Variants in RUNDC3B observed in about 807,000 individuals in gnomAD.
RUNDC3B encodes RUN domain-containing protein 3B.
A neutral mutation model predicts 58.4 loss-of-function variants in RUNDC3B; 33 were observed. The observed-to-expected ratio is 0.56, with a 90% CI of 0.43 to 0.75. The LOEUF (loss-of-function observed/expected upper bound fraction) is 0.75. RUNDC3B is among the 30% of genes least tolerant of loss of function. The pLI, the probability that RUNDC3B is intolerant of heterozygous loss-of-function variation, is 0.00. For missense variants in RUNDC3B, 501 were observed against 535.7 expected (o/e 0.94, Z 0.64); for synonymous variants, 193 against 195.2 (o/e 0.99, Z 0.10).
At chr7:87,728,053 A>C (rs1255435845) in intron 4 of RUNDC3B, among the ~76,000 whole-genome samples, 1 of 152,178 alleles carries the variant, frequency 6.6e-6, no homozygotes, top group Admixed American at 6.6e-5. Flanking sequence ...GCATTTGTGA[A>C]GGGCTTATAT....
Position 87,770,753 on chromosome 7 carries a change from T to A in RUNDC3B, c.798+4T>A, listed in dbSNP as rs923214768. Reference sequence around the variant, plus strand: ...TCAGCTTACCCTGGAACAGAAGGTATTTTAAAATTATCAAAACGTACTTAA... The same window carrying A: ...TCAGCTTACCCTGGAACAGAAGGTAATTTAAAATTATCAAAACGTACTTAA... On this transcript the variant is annotated splice_donor_region_variant and intron_variant, in intron 7 of 10. Transcript: ENST00000394654. The A allele has an allele frequency of 1.1e-5, 18 of 1,594,186 alleles. No homozygotes were observed. Among genetic ancestry groups the A allele is most frequent in the Non-Finnish European group, 1.5e-5 (18 of 1,168,428 alleles).
chr7:87,739,634 T>C (rs1265734387), intron 4 of RUNDC3B, among the ~76,000 whole-genome samples, 157 bp from the exon 5 acceptor site: 1 of 152,064 alleles, frequency 6.6e-6, no homozygotes, highest in African/African-American at 2.4e-5. Context: ...GGTCTAAATA[T>C]CTTCAAAACT....
chr7:87,752,826 G>A (rs1326705412), intron 6 of RUNDC3B, among the ~76,000 whole-genome samples: 2 of 151,898 alleles, frequency 1.3e-5, no homozygotes, highest in Non-Finnish European at 2.9e-5. Flanking sequence ...CAAAAAACCA[G>A]CTCCTGGATT....
At chr7:87,828,559 C>A (rs1837962361) in intron 10 of RUNDC3B, among the ~76,000 whole-genome samples, 1 of 152,154 alleles carries the variant, frequency 6.6e-6, no homozygotes, top group African/African-American at 2.4e-5. Flanking sequence ...GATGTCATTC[C>A]TTTTTTATGG....
At chr7:87,678,242 C>T (rs1826575509) in intron 2 of RUNDC3B, among the ~76,000 whole-genome samples, 1 of 152,204 alleles carries the variant, frequency 6.6e-6, no homozygotes, top group African/African-American at 2.4e-5. Context: ...GTGTGAGCCA[C>T]CATGCCTGGC....
chr7:87,769,386 G>A lies in RUNDC3B; in HGVS notation c.630-1195G>A, dbSNP rs372591560. ...AGTTTAACTCATTTAAATTGTGTGT[G>A]ATTACTTTTGTACTAGGGTTTATTT... On this transcript the variant is annotated intron_variant, in intron 6 of 10. Transcript: ENST00000394654. Among the ~76,000 whole-genome samples, 504 of 152,160 alleles carry A rather than the reference G, an allele frequency of 3.3e-3. 3 individuals carry two copies. The highest frequency in any genetic ancestry group is 0.012 in the African/African-American group (480 of 41,544).
intron 6 of RUNDC3B, among the ~76,000 whole-genome samples, chr7:87,754,200 C>A (rs564064566): frequency 6.6e-6 from 1 of 152,318 alleles, no homozygotes; most frequent in South Asian, 2.1e-4. Flanking sequence ...ATAAAACAAT[C>A]CTCAACAAAT....
chr7:87,769,736 TCAACCCATTATCTAGGTTTTAA>T (rs1303258091), intron 6 of RUNDC3B, among the ~76,000 whole-genome samples: 1 of 152,106 alleles, frequency 6.6e-6, no homozygotes, highest in African/African-American at 2.4e-5. Flanking sequence ...GCTGCACCCA[TCAACCCATTATCTAGGTTTTAA>T]GCCCTGCATG....
chr7:87,781,459 A>C (rs1319909118), intron 8 of RUNDC3B, among the ~76,000 whole-genome samples: 1 of 152,024 alleles, frequency 6.6e-6, no homozygotes, highest in Non-Finnish European at 1.5e-5. Flanking sequence ...TCTTTTACCT[A>C]TTTGGATGCT....
intron 8 of RUNDC3B, among the ~76,000 whole-genome samples, chr7:87,804,306 C>G (rs1836322598): frequency 6.6e-6 from 1 of 152,082 alleles, no homozygotes; most frequent in Admixed American, 6.6e-5. Context: ...ATAGAGTAGC[C>G]TTGCAACTTG....
At chr7:87,728,691 T>A (rs1831391971) in intron 4 of RUNDC3B, among the ~76,000 whole-genome samples, 3 of 152,226 alleles carry the variant, frequency 2.0e-5, no homozygotes, top group Admixed American at 6.5e-5. Context: ...GATATTTAAT[T>A]TAATGCCATT....
rs138015493 is a variant in RUNDC3B, at chr7:87,759,059, A to G, written c.630-11522A>G. Among the ~76,000 whole-genome samples, 580 of 152,338 alleles carry G rather than the reference A, an allele frequency of 3.8e-3. 6 individuals are homozygous for G. The highest frequency in any genetic ancestry group is 0.013 in the African/African-American group (546 of 41,576). Reference sequence around the variant, plus strand: ...CATCTTTATTGCAGTACTATTCACAATAGCTAAGATGTGGGATCATACTAA... The same window carrying G: ...CATCTTTATTGCAGTACTATTCACAGTAGCTAAGATGTGGGATCATACTAA... On this transcript the variant is annotated intron_variant, in intron 6 of 10. Transcript: ENST00000394654.
At chr7:87,693,628 G>A (rs1255559224) in intron 2 of RUNDC3B, among the ~76,000 whole-genome samples, 8 of 152,086 alleles carry the variant, frequency 5.3e-5, no homozygotes, top group Non-Finnish European at 1.0e-4. Context: ...AATGATGGAG[G>A]TAAAAGTAAA....
At chr7:87,702,169 A>AC in intron 3 of RUNDC3B, among the ~76,000 whole-genome samples, 1 of 149,906 alleles carries the variant, frequency 6.7e-6, no homozygotes, top group South Asian at 2.1e-4. Context: ...AAAAAAAAAA[A>AC]AAACAGAGAT....
In RUNDC3B at chr7:87,765,926, T is replaced by A. The variant is rs77867889; in HGVS notation, c.630-4655T>A. Among the ~76,000 whole-genome samples, 500 of 152,196 alleles carry A rather than the reference T, an allele frequency of 3.3e-3. 3 individuals are homozygous for A. The highest frequency in any genetic ancestry group is 0.011 in the African/African-American group (472 of 41,566). ...CCCTCACTATTATTGTATTACCCTA[T>A]ATCATTTCTTATGTCTAGTAGTATT... On this transcript the variant is annotated intron_variant, in intron 6 of 10. Transcript: ENST00000394654.
Position 87,777,891 on chromosome 7 carries a change from G to A in RUNDC3B, c.892G>A (p.Asp298Asn), listed in dbSNP as rs760764597. Residue 298 changes from aspartate to asparagine, a missense_variant, in exon 8 of 11, where the codon GAT (aspartate) becomes AAT (asparagine). Physicochemically the swap from Asp to Asn is conservative, Grantham distance 23. Transcript: ENST00000394654. Reference sequence around the variant, plus strand: ...ACTACTTCAAAGGATTGAAGATTCCGATCTGGCTCATAAACTGGAGAAGGA... The same window carrying A: ...ACTACTTCAAAGGATTGAAGATTCCAATCTGGCTCATAAACTGGAGAAGGA... ...KILLQRIEDSDLAHKLEKEQL... is the reference protein window; with the variant it reads ...KILLQRIEDSNLAHKLEKEQL... The A allele has an allele frequency of 2.4e-5, 39 of 1,613,320 alleles. No homozygotes were observed. Among genetic ancestry groups the A allele is most frequent in the Admixed American group, 6.7e-5 (4 of 59,964 alleles).
chr7:87,789,097 A>G (rs1835389962), intron 8 of RUNDC3B, among the ~76,000 whole-genome samples: 1 of 152,214 alleles, frequency 6.6e-6, no homozygotes, highest in African/African-American at 2.4e-5. Context: ...GATCTATTGT[A>G]CAAATGATTC....
chr7:87,710,312 A>G (rs1829958302), intron 3 of RUNDC3B, among the ~76,000 whole-genome samples: 1 of 152,124 alleles, frequency 6.6e-6, no homozygotes, highest in Non-Finnish European at 1.5e-5. Context: ...AACCCAAGTA[A>G]CTCAGTATTA....
chr7:87,725,774 A>G (rs1199467815), intron 4 of RUNDC3B, among the ~76,000 whole-genome samples: 4 of 152,134 alleles, frequency 2.6e-5, no homozygotes, highest in Non-Finnish European at 5.9e-5. Context: ...CCTTTTAATA[A>G]TCGCCATTCT....
Sources: allele counts gnomAD v4.1 joint callset (sites outside exome capture counted in the v4.1 genomes callset), GRCh38; gene constraint gnomAD v4.1.1; transcripts MANE v1.5; gene names NCBI Gene and HGNC (gene_info 2026-07-23, HGNC 2026-07-21).